Variants in CST8 observed in about 807,000 individuals in gnomAD.
CST8 encodes cystatin 8, also known as cystatin-8.
In CST8, 20 loss-of-function variants were observed where a neutral mutation model predicts 11.8. The ratio of observed to expected loss-of-function variants is 1.70; its 90% confidence interval spans 1.20 to 2.47. The LOEUF (loss-of-function observed/expected upper bound fraction) is 2.47, where lower values mean the gene tolerates loss of function less well. Among genes scored for constraint, CST8 ranks in the 30% most tolerant of loss-of-function variants. The pLI is 0.00. For missense variants in CST8, 196 were observed against 167.2 expected (o/e 1.17, Z -0.95); for synonymous variants, 77 against 63.1 (o/e 1.22, Z -1.05).
At chr20:23,506,714 G>T in the CST8 span, among the ~76,000 whole-genome samples, 1 of 152,052 alleles carries the variant, frequency 6.6e-6, no homozygotes, top group Non-Finnish European at 1.5e-5. Context: ...TATAGCCAGG[G>T]AAATGGTCCC....
chr20:23,491,347 G>T lies in CST8; in HGVS notation c.-144+5G>T. On this transcript the variant is annotated splice_donor_5th_base_variant and intron_variant, in intron 1 of 3. Coordinates refer to ENST00000246012, the MANE Select transcript of CST8 (RefSeq NM_005492.4). ...ACAAGAGTGACGCTCACAGGGGTAG[G>T]CATAGACACACTGGGGCCGAAGGGG... The T allele has an allele frequency of 2.6e-6, 1 of 384,754 alleles. No individual in the cohort carries two copies. Among genetic ancestry groups the T allele is most frequent in the Non-Finnish European group, 4.8e-6 (1 of 207,322 alleles). The allele number at this position is 384,754 out of a possible 1,614,324, so 23.8% of individuals were successfully genotyped here. A position where few individuals can be genotyped will look rare whatever the true frequency, so the allele number is the denominator to read the frequency against.
the CST8 span, among the ~76,000 whole-genome samples, chr20:23,501,432 C>T: frequency 6.6e-6 from 1 of 152,244 alleles, no homozygotes; most frequent in Non-Finnish European, 1.5e-5. Context: ...GCTGCCTTCC[C>T]TCCCTCCCTC....
At chr20:23,496,027 T>C (rs958303004), downstream of CST8, 2 of 818,964 alleles carry the variant, frequency 2.4e-6, no homozygotes, top group Admixed American at 4.9e-5. Flanking sequence ...CCTCTCTGCT[T>C]GGTGTTTTGT....
At chr20:23,496,302 G>A (rs1440035577), downstream of CST8, among the ~76,000 whole-genome samples, 1 of 151,934 alleles carries the variant, frequency 6.6e-6, no homozygotes, top group Non-Finnish European at 1.5e-5. Flanking sequence ...AGAAATAAAG[G>A]GACAGAGTAT....
chr20:23,492,715 T>A (rs1393119909), intron 2 of CST8, among the ~76,000 whole-genome samples: 1 of 151,918 alleles, frequency 6.6e-6, no homozygotes, highest in Non-Finnish European at 1.5e-5. Context: ...TTCAAGGAGG[T>A]GACAAACTGG....
At chr20:23,506,338 G>T in the CST8 span, among the ~76,000 whole-genome samples, 1 of 152,158 alleles carries the variant, frequency 6.6e-6, no homozygotes, top group Non-Finnish European at 1.5e-5. Flanking sequence ...TCCTTCAGGT[G>T]CAGGCTTGCC....
Position 23,491,307 on chromosome 20 carries a change from A to T in CST8, c.-179A>T, listed in dbSNP as rs562788814. On this transcript the variant is annotated 5_prime_UTR_variant, in exon 1 of 4. Coordinates refer to ENST00000246012, the MANE Select transcript of CST8 (RefSeq NM_005492.4). Reference sequence around the variant, plus strand: ...AGTTTTCATGATCACATCATACAGGACTGAGAAGCAGATAACAAGAGTGAC... The same window carrying T: ...AGTTTTCATGATCACATCATACAGGTCTGAGAAGCAGATAACAAGAGTGAC... 1.7e-4 allele frequency: 47 copies of T among 279,238 alleles called. No individual in the cohort carries two copies. The highest frequency in any genetic ancestry group is 1.0e-3 in the African/African-American group (46 of 46,012). The allele number at this position is 279,238 out of a possible 1,614,324, so 17.3% of individuals were successfully genotyped here.
chr20:23,491,567 C>T lies in CST8; in HGVS notation c.-101C>T. On this transcript the variant is annotated 5_prime_UTR_variant, in exon 2 of 4. Transcript: ENST00000246012. ...GGAGGCAGTGTGTGGCTCGAAGATT[C>T]TTGAACCCACAGCAGCAGCTGCGGC... is the stretch of plus-strand genomic sequence containing the variant. The T allele has an allele frequency of 2.2e-6, 2 of 890,680 alleles. No individual in the cohort carries two copies. Among genetic ancestry groups the T allele is most frequent in the South Asian group, 1.5e-5 (1 of 65,596 alleles). The allele number at this position is 890,680 out of a possible 1,614,324, so 55.2% of individuals were successfully genotyped here.
chr20:23,498,401 C>T (rs1034425600), downstream of CST8, among the ~76,000 whole-genome samples: 3 of 152,186 alleles, frequency 2.0e-5, no homozygotes, highest in African/African-American at 7.2e-5. Context: ...CAGGTTTTAT[C>T]TCCCATGGCT....
chr20:23,498,839 A>G (rs912173738), downstream of CST8, among the ~76,000 whole-genome samples: 12 of 152,214 alleles, frequency 7.9e-5, no homozygotes, highest in Non-Finnish European at 1.5e-4. Context: ...GGAAGACTCC[A>G]TAAGAAATTG....
chr20:23,493,588 A>C (rs1987956359), intron 3 of CST8, among the ~76,000 whole-genome samples: 1 of 152,320 alleles, frequency 6.6e-6, no homozygotes, highest in South Asian at 2.1e-4. Flanking sequence ...CTGGGTTTAC[A>C]GTTGATTTTT....
At chr20:23,506,587 T>C in the CST8 span, among the ~76,000 whole-genome samples, 1 of 152,180 alleles carries the variant, frequency 6.6e-6, no homozygotes, top group African/African-American at 2.4e-5. Flanking sequence ...AAACAGCATC[T>C]TGGTATCACA....
Position 23,491,354 on chromosome 20 carries a change from C to A in CST8, c.-144+12C>A. 1 of 396,314 alleles carries A rather than the reference C, an allele frequency of 2.5e-6. No homozygotes were observed. The allele number at this position is 396,314 out of a possible 1,614,324, so 24.5% of individuals were successfully genotyped here. A position where few individuals can be genotyped will look rare whatever the true frequency, so the allele number is the denominator to read the frequency against. Reference sequence around the variant, plus strand: ...TGACGCTCACAGGGGTAGGCATAGACACACTGGGGCCGAAGGGGAGAGGAA... The same window carrying A: ...TGACGCTCACAGGGGTAGGCATAGAAACACTGGGGCCGAAGGGGAGAGGAA... On this transcript the variant is annotated intron_variant, in intron 1 of 3. Transcript: ENST00000246012.
chr20:23,500,232 C>T (rs775330387), downstream of CST8, among the ~76,000 whole-genome samples: 2 of 152,166 alleles, frequency 1.3e-5, no homozygotes, highest in Non-Finnish European at 2.9e-5. Flanking sequence ...CAACATGAGA[C>T]TTGGAAGGGA....
the CST8 span, among the ~76,000 whole-genome samples, chr20:23,505,476 G>A: frequency 6.6e-6 from 1 of 151,854 alleles, no homozygotes; most frequent in Non-Finnish European, 1.5e-5. Context: ...TCTTCTAAAT[G>A]GACAAAGATA....
rs766681442 is a variant in CST8, at chr20:23,493,062, G to A, written c.336G>A (p.Lys112=). Residue 112 remains lysine (K), a synonymous_variant, in exon 3 of 4, where the codon AAG becomes AAA. Transcript: ENST00000246012. ...NEICAIQENS[K]LKRKLSCSFL... is the part of the protein sequence containing the mutation. ...TCTGCGCCATTCAAGAAAACTCCAA[G>A]CTGAAAAGGGTAGGTGATGAACCAC... 6 of 1,599,710 alleles carry A rather than the reference G, an allele frequency of 3.8e-6. No individual in the cohort carries two copies. In the South Asian group the frequency reaches 6.6e-5, roughly 18 times the overall value.
chr20:23,495,775 C>CTTT (rs11482296), intron 3 of CST8, 56 bp from the exon 4 acceptor site: 231 of 933,852 alleles, frequency 2.5e-4, no homozygotes, highest in South Asian at 6.4e-4. Context: ...TTTTTCTTTT[C>CTTT]TTTTTTTTTT....
chr20:23,504,096 C>T, the CST8 span, among the ~76,000 whole-genome samples: 1 of 152,172 alleles, frequency 6.6e-6, no homozygotes, highest in East Asian at 1.9e-4. Flanking sequence ...TGTGAGTCCC[C>T]TTTAATTATC....
the CST8 span, among the ~76,000 whole-genome samples, chr20:23,501,477 T>C: frequency 6.6e-6 from 1 of 152,246 alleles, no homozygotes; most frequent in Admixed American, 6.5e-5. Flanking sequence ...GCAGGGAGAC[T>C]GAGGCACGCC....
Sources: allele counts gnomAD v4.1 joint callset (sites outside exome capture counted in the v4.1 genomes callset), GRCh38; gene constraint gnomAD v4.1.1; transcripts MANE v1.5; gene names NCBI Gene and HGNC (gene_info 2026-07-23, HGNC 2026-07-21).